The following COBL variants were observed in gnomAD, a reference collection of about 807,000 sequenced individuals.
The protein encoded by COBL is cordon-bleu WH2 repeat protein.
In COBL, 51 loss-of-function variants were observed where a neutral mutation model predicts 98.8. The observed-to-expected ratio is 0.52, with a 90% CI of 0.41 to 0.65. The LOEUF is 0.65. COBL is among the 30% of genes least tolerant of loss of function. The pLI is 0.00. For synonymous variants in COBL, 634 were observed against 651.7 expected, an observed-to-expected ratio of 0.97 and a Z score of 0.41; for missense variants, 1,617 against 1,617.5, an observed-to-expected ratio of 1.00 and a Z score of 0.01.
At chr7:51,044,329 T>C (rs1444012822) in intron 7 of COBL, among the ~76,000 whole-genome samples, 1 of 152,194 alleles carries the variant, frequency 6.6e-6, no homozygotes, top group African/African-American at 2.4e-5. Context: ...CAAGCCAAGT[T>C]CTGTCAAGCC....
intron 1 of COBL, among the ~76,000 whole-genome samples, chr7:51,235,018 C>A (rs1795112032): frequency 6.6e-6 from 1 of 152,172 alleles, no homozygotes; most frequent in African/African-American, 2.4e-5. Flanking sequence ...CCCTCCACAA[C>A]CTGTCTCTGG....
At chr7:51,185,470 T>G (rs1789400036) in intron 4 of COBL, among the ~76,000 whole-genome samples, 1 of 152,018 alleles carries the variant, frequency 6.6e-6, no homozygotes, top group African/African-American at 2.4e-5. Flanking sequence ...TGAGGGTGAG[T>G]GCATCAAGCA....
At chr7:51,141,859 C>T (rs1799783145) in intron 5 of COBL, among the ~76,000 whole-genome samples, 1 of 152,256 alleles carries the variant, frequency 6.6e-6, no homozygotes, top group East Asian at 1.9e-4. Context: ...GAGAATGCTG[C>T]TTCTCATCTG....
chr7:51,279,188 A>G (rs536278582), intron 1 of COBL, among the ~76,000 whole-genome samples: 2 of 152,336 alleles, frequency 1.3e-5, no homozygotes, highest in South Asian at 4.1e-4. Context: ...TTCATCATGA[A>G]GTTTCAGCAT....
chr7:51,147,542 A>C (rs1785143417), intron 5 of COBL, among the ~76,000 whole-genome samples: 3 of 152,162 alleles, frequency 2.0e-5, no homozygotes, highest in African/African-American at 7.2e-5. Context: ...TTGGCTAGCA[A>C]CTTAGAACTT....
intron 6 of COBL, among the ~76,000 whole-genome samples, chr7:51,097,949 G>T (rs180844102): frequency 0.021 from 3,161 of 150,270 alleles, 121 homozygotes; most frequent in African/African-American, 0.074. Flanking sequence ...GCATGAACCC[G>T]GCAGGCGGAG....
chr7:51,298,733 C>G lies in COBL; in HGVS notation c.41+17860G>C, dbSNP rs138320530. Among the ~76,000 whole-genome samples the G allele has an allele frequency of 5.7e-3, 873 of 152,338 alleles. 3 individuals are homozygous for G. The highest frequency in any genetic ancestry group is 0.02 in the African/African-American group (842 of 41,568). ...TGTAAATTTTCACTGTTGACCCTGT[C>G]ACTTCACATGCTGCATGAGTCTCAT... On this transcript the variant is annotated intron_variant, in intron 1 of 12. Coordinates refer to ENST00000265136, the MANE Select transcript of COBL (RefSeq NM_015198.5).
At chr7:51,169,171 C>T (rs184992724) in intron 5 of COBL, among the ~76,000 whole-genome samples, 22 of 152,280 alleles carry the variant, frequency 1.4e-4, no homozygotes, top group African/African-American at 4.8e-4. Flanking sequence ...TTATTTTAAT[C>T]CAGACATTCC....
At chr7:51,190,464 C>A (rs1158310369) in intron 4 of COBL, among the ~76,000 whole-genome samples, 1 of 152,160 alleles carries the variant, frequency 6.6e-6, no homozygotes, top group African/African-American at 2.4e-5. Flanking sequence ...CATTCTCCTG[C>A]CTCAGCCTCT....
intron 2 of COBL, among the ~76,000 whole-genome samples, chr7:51,202,403 T>C (rs537876142): frequency 2.0e-5 from 3 of 152,214 alleles, no homozygotes; most frequent in African/African-American, 4.8e-5. Context: ...TATTTTTAAA[T>C]TGATTCATTG....
chr7:51,246,554 T>G (rs1026593020), intron 1 of COBL, among the ~76,000 whole-genome samples: 1 of 152,112 alleles, frequency 6.6e-6, no homozygotes, highest in Non-Finnish European at 1.5e-5. Context: ...CCCCGTGAGG[T>G]GGAGAGAGAA....
At chr7:51,309,974 G>A (rs1388841157) in intron 1 of COBL, among the ~76,000 whole-genome samples, 1 of 152,198 alleles carries the variant, frequency 6.6e-6, no homozygotes, top group African/African-American at 2.4e-5. Context: ...TGAGAAAGGG[G>A]CAAGAAAGCT....
At chr7:51,198,775 A>G (rs1397198013) in intron 2 of COBL, among the ~76,000 whole-genome samples, 2 of 152,202 alleles carry the variant, frequency 1.3e-5, no homozygotes, top group Non-Finnish European at 2.9e-5. Flanking sequence ...AAGACAGTAG[A>G]ACAGGAAGTC....
rs1337342128 is a variant in COBL, at chr7:51,179,458, G to A, written c.783+4644C>T. On this transcript the variant is annotated intron_variant, in intron 5 of 12. Coordinates refer to ENST00000265136, the MANE Select transcript of COBL (RefSeq NM_015198.5). ...TGACCTCAGGTGATCCACCTGCCTC[G>A]GCCTCCCAAAGTGCTGGGAATACAG... 5.9e-5 allele frequency among the ~76,000 whole-genome samples: 9 copies of A among 152,072 alleles called. No individual in the cohort carries two copies. The East Asian group carries it at 1.2e-3, about 20-fold the overall frequency.
intron 1 of COBL, among the ~76,000 whole-genome samples, chr7:51,302,655 G>A (rs897870824): frequency 3.3e-5 from 5 of 151,474 alleles, no homozygotes; most frequent in Admixed American, 3.3e-4. Flanking sequence ...CCAACACTTT[G>A]GGGAGCCAAG....
chr7:51,061,948 G>GATACACACACACACACAC lies in COBL; in HGVS notation c.1097-18274_1097-18257dup, dbSNP rs1554364678. Among the ~76,000 whole-genome samples, 235 of 92,992 alleles carry GATACACACACACACACAC rather than the reference G, an allele frequency of 2.5e-3. 1 individual carries two copies. Among genetic ancestry groups the GATACACACACACACACAC allele is most frequent in the African/African-American group, 8.0e-3 (231 of 29,006 alleles). 61.0% of individuals were successfully genotyped at this position (92,992 alleles called of 152,430 possible). A position where few individuals can be genotyped will look rare whatever the true frequency, so the allele number is the denominator to read the frequency against. ...TAAAAAAAAATCTCTCCCCACCATA[G>GATACACACACACACACAC]ATACACACACACACACACACACACA... is the stretch of plus-strand genomic sequence containing the variant. On this transcript the variant is annotated intron_variant, in intron 7 of 12. Transcript: ENST00000265136.
chr7:51,093,253 G>A (rs765511598), intron 6 of COBL, among the ~76,000 whole-genome samples: 30 of 152,022 alleles, frequency 2.0e-4, no homozygotes, highest in Admixed American at 6.6e-4. Context: ...AGAGAGATAC[G>A]AATGACCAAC....
At chr7:51,283,060 G>A (rs552612446) in intron 1 of COBL, among the ~76,000 whole-genome samples, 24 of 152,226 alleles carry the variant, frequency 1.6e-4, no homozygotes, top group East Asian at 5.8e-4. Context: ...CATTAACTGC[G>A]TATATAAGAG....
At chr7:51,108,956 A>AC (rs72135470) in intron 6 of COBL, among the ~76,000 whole-genome samples, 4 of 28,936 alleles carry the variant, frequency 1.4e-4, no homozygotes, top group East Asian at 1.2e-3. Flanking sequence ...ACACACACAC[A>AC]CCCCCTGCCC....
Sources: gnomAD v4.1 joint callset for allele counts (sites outside exome capture counted in the v4.1 genomes callset) on GRCh38, gnomAD v4.1.1 for gene constraint, MANE v1.5 for transcripts, NCBI Gene and HGNC (gene_info 2026-07-23, HGNC 2026-07-21) for gene names.